The following UNC5D variants were observed in gnomAD, a reference collection of about 807,000 sequenced individuals.
The protein encoded by UNC5D is unc-5 netrin receptor D.
In UNC5D, 39 loss-of-function variants were observed where a neutral mutation model predicts 105.4. That is an observed-to-expected ratio of 0.37 (90% confidence interval 0.29 to 0.48). The LOEUF is 0.48. Among genes scored for constraint, UNC5D ranks in the 20% least tolerant of loss-of-function variants. The probability of loss-of-function intolerance (pLI) is 0.98; values close to 1 mark genes in which losing one functional copy is unlikely to be tolerated. For missense variants in UNC5D, 991 were observed against 1,202.4 expected, an observed-to-expected ratio of 0.82 and a Z score of 2.60; for synonymous variants, 452 against 450.4, an observed-to-expected ratio of 1.00 and a Z score of -0.04.
intron 1 of UNC5D, among the ~76,000 whole-genome samples, chr8:35,532,381 CT>C (rs1270986750): frequency 2.1e-5 from 3 of 141,786 alleles, no homozygotes; most frequent in African/African-American, 8.1e-5. Context: ...GGCCCCCACT[CT>C]CTTCTGGCTT....
intron 1 of UNC5D, among the ~76,000 whole-genome samples, chr8:35,529,759 C>A (rs1230953383): frequency 2.2e-4 from 29 of 129,644 alleles, no homozygotes; most frequent in Admixed American, 1.9e-3. Context: ...TGAAGAGGTC[C>A]TTCACATCCC....
chr8:35,638,984 G>A (rs1266297365), intron 4 of UNC5D, among the ~76,000 whole-genome samples: 1 of 152,188 alleles, frequency 6.6e-6, no homozygotes, highest in African/African-American at 2.4e-5. Context: ...CATTTGTTAA[G>A]TCTTCTGTAG....
At chr8:35,269,875 C>T (rs1471096957) in intron 1 of UNC5D, among the ~76,000 whole-genome samples, 1 of 152,180 alleles carries the variant, frequency 6.6e-6, no homozygotes, top group Non-Finnish European at 1.5e-5. Flanking sequence ...GTCTGTGACT[C>T]TGAAGGGCAT....
intron 1 of UNC5D, among the ~76,000 whole-genome samples, chr8:35,334,533 A>C (rs1274601733): frequency 1.4e-5 from 2 of 147,610 alleles, no homozygotes; most frequent in Non-Finnish European, 3.0e-5. Flanking sequence ...TTTTTTTGAG[A>C]TGGAGTTTTG....
chr8:35,457,788 A>G (rs1388103123), intron 1 of UNC5D, among the ~76,000 whole-genome samples: 1 of 152,176 alleles, frequency 6.6e-6, no homozygotes, highest in Non-Finnish European at 1.5e-5. Context: ...GCTCGAGGAC[A>G]CTAGATCTTA....
chr8:35,289,840 C>T (rs1806905829), intron 1 of UNC5D, among the ~76,000 whole-genome samples: 1 of 152,068 alleles, frequency 6.6e-6, no homozygotes, highest in African/African-American at 2.4e-5. Context: ...ATAAAAGAGC[C>T]AGGCATGGTG....
intron 1 of UNC5D, among the ~76,000 whole-genome samples, chr8:35,545,876 G>A (rs992654603): frequency 7.9e-5 from 12 of 151,226 alleles, no homozygotes; most frequent in East Asian, 3.9e-4. Flanking sequence ...TCCTCTGAAC[G>A]TTAACTGATT....
intron 4 of UNC5D, among the ~76,000 whole-genome samples, chr8:35,652,432 G>A (rs957795735): frequency 1.3e-5 from 2 of 151,926 alleles, no homozygotes; most frequent in African/African-American, 2.4e-5. Flanking sequence ...CATTTCATAC[G>A]CATGTACTTC....
chr8:35,580,482 A>T (rs1252197152), intron 3 of UNC5D, among the ~76,000 whole-genome samples: 1 of 152,138 alleles, frequency 6.6e-6, no homozygotes. Context: ...CCAGCAGAAC[A>T]TGAGTGAAAA....
At chr8:35,423,773 T>A (rs542807065) in intron 1 of UNC5D, among the ~76,000 whole-genome samples, 2 of 151,834 alleles carry the variant, frequency 1.3e-5, no homozygotes, top group East Asian at 3.9e-4. Context: ...AAATTGAAAC[T>A]AAAAAGTTTG....
intron 4 of UNC5D, among the ~76,000 whole-genome samples, chr8:35,608,086 G>C (rs1330206662): frequency 2.6e-5 from 4 of 152,116 alleles, no homozygotes; most frequent in Admixed American, 1.3e-4. Context: ...TACCAAATAA[G>C]ATCAGGTTCC....
intron 4 of UNC5D, among the ~76,000 whole-genome samples, chr8:35,624,051 G>C (rs566876980): frequency 6.6e-6 from 1 of 152,234 alleles, no homozygotes; most frequent in African/African-American, 2.4e-5. Context: ...CTGCACTCCA[G>C]CCTGGGCGAC....
intron 1 of UNC5D, among the ~76,000 whole-genome samples, chr8:35,396,009 A>G (rs1410282889): frequency 6.6e-6 from 1 of 152,222 alleles, no homozygotes; most frequent in Non-Finnish European, 1.5e-5. Context: ...AAAGCCCCAG[A>G]GCTTGAGCCA....
intron 11 of UNC5D, among the ~76,000 whole-genome samples, chr8:35,744,618 G>A (rs1341418763): frequency 2.6e-5 from 4 of 152,088 alleles, no homozygotes; most frequent in Non-Finnish European, 5.9e-5. Flanking sequence ...TTACTCTGAT[G>A]CTCAAAAGAT....
At chr8:35,483,665 T>C (rs529155168) in intron 1 of UNC5D, among the ~76,000 whole-genome samples, 1 of 152,278 alleles carries the variant, frequency 6.6e-6, no homozygotes, top group East Asian at 1.9e-4. Flanking sequence ...CCCAAGAATT[T>C]GTATCTCTCA....
chr8:35,463,172 C>A (rs1269268519), intron 1 of UNC5D, among the ~76,000 whole-genome samples: 20 of 152,136 alleles, frequency 1.3e-4, no homozygotes. Context: ...AAATCATGTC[C>A]CATCCCTGCC....
intron 1 of UNC5D, among the ~76,000 whole-genome samples, chr8:35,352,837 T>C (rs1435442231): frequency 6.6e-6 from 1 of 152,118 alleles, no homozygotes; most frequent in Non-Finnish European, 1.5e-5. Context: ...GGTCTCAGAC[T>C]CCTGATATCA....
At chr8:35,356,165 G>C (rs1407551106) in intron 1 of UNC5D, among the ~76,000 whole-genome samples, 1 of 152,116 alleles carries the variant, frequency 6.6e-6, no homozygotes, top group African/African-American at 2.4e-5. Context: ...CTATCAGTAT[G>C]GGAGAGCATG....
At chr8:35,290,092 A>G (rs1806927778) in intron 1 of UNC5D, among the ~76,000 whole-genome samples, 1 of 152,142 alleles carries the variant, frequency 6.6e-6, no homozygotes, top group Non-Finnish European at 1.5e-5. Flanking sequence ...GCGGGAATGT[A>G]TATATTATGG....
Sources: allele counts gnomAD v4.1 joint callset (sites outside exome capture counted in the v4.1 genomes callset), GRCh38; gene constraint gnomAD v4.1.1; transcripts MANE v1.5; gene names NCBI Gene and HGNC (gene_info 2026-07-23, HGNC 2026-07-21).